RBM18: variants seen among roughly 807,000 people sequenced by gnomAD.
RBM18 encodes probable RNA-binding protein 18.
RBM18 carries 18 observed loss-of-function variants against 26.4 expected under a neutral mutation model. That is an observed-to-expected ratio of 0.68 (90% CI 0.47 to 1.01). RBM18 has a LOEUF of 1.01. Among genes scored for constraint, RBM18 ranks in the 50% least tolerant of loss-of-function variants. The pLI is 0.00. For missense variants in RBM18, 180 were observed against 219.2 expected (o/e 0.82, Z 1.13); for synonymous variants, 74 against 81.1 (o/e 0.91, Z 0.47).
intron 5 of RBM18, chr9:122,243,931 A>G (rs1049671207): frequency 2.2e-6 from 2 of 906,378 alleles, no homozygotes; most frequent in Middle Eastern, 5.6e-4. Flanking sequence ...TATACAAATC[A>G]TAAGAAACTA....
chr9:122,245,818 A>T (rs969420650), intron 4 of RBM18, among the ~76,000 whole-genome samples: 2 of 144,022 alleles, frequency 1.4e-5, no homozygotes, highest in Admixed American at 7.0e-5. Context: ...GTCTCTATTT[A>T]AAAAAAAAAA....
In RBM18 at chr9:122,237,845, C is replaced by T. The variant is rs1831353124; in HGVS notation, c.*4039G>A. On this transcript the variant is annotated 3_prime_UTR_variant, in exon 6 of 6. Transcript: ENST00000417201. ...GGGGAAAACAGCCACATGTAAATGC[C>T]TGGGCATGGTTGTGTTCTAATAGTT... 1.3e-5 allele frequency: 2 copies of T among 152,104 alleles called. No homozygotes were observed. Among genetic ancestry groups the T allele is most frequent in the African/African-American group, 2.4e-5 (1 of 41,412 alleles). The allele number at this position is 152,104 out of a possible 1,614,324, so 9.4% of individuals were successfully genotyped here.
chr9:122,241,319 G>A lies in RBM18; in HGVS notation c.*565C>T, dbSNP rs1016184753. On this transcript the variant is annotated 3_prime_UTR_variant, in exon 6 of 6. Coordinates refer to ENST00000417201, the MANE Select transcript of RBM18 (RefSeq NM_033117.4). ...AAACAATAAGCATAATTCTTAAACA[G>A]ATTACTACAACATTTGTTCAAAGAA... 2.0e-5 allele frequency: 3 copies of A among 152,274 alleles called. No individual in the cohort carries two copies. Among genetic ancestry groups the A allele is most frequent in the Non-Finnish European group, 4.4e-5 (3 of 68,028 alleles). The allele number at this position is 152,274 out of a possible 1,614,324, so 9.4% of individuals were successfully genotyped here.
At chr9:122,243,363 G>A (rs1232103609) in intron 5 of RBM18, among the ~76,000 whole-genome samples, 1 of 152,206 alleles carries the variant, frequency 6.6e-6, no homozygotes, top group African/African-American at 2.4e-5. Flanking sequence ...GTGGTGATAT[G>A]ATCAAGGTTC....
intron 2 of RBM18, among the ~76,000 whole-genome samples, chr9:122,254,087 C>A (rs895093084): frequency 1.3e-5 from 2 of 150,202 alleles, no homozygotes; most frequent in Non-Finnish European, 3.0e-5. Context: ...ACAAAAAAGA[C>A]AATCTAAGGC....
At chr9:122,252,066 CA>C in intron 2 of RBM18, 93 bp from the exon 3 acceptor site, 1 of 1,538,796 alleles carries the variant, frequency 6.5e-7, no homozygotes, top group Non-Finnish European at 8.9e-7. Flanking sequence ...TAATTTACCC[CA>C]GGGATGAAAT....
chr9:122,259,895 T>C (rs922817928), intron 2 of RBM18, among the ~76,000 whole-genome samples: 3 of 148,902 alleles, frequency 2.0e-5, no homozygotes, highest in Non-Finnish European at 3.0e-5. Flanking sequence ...GGTTTCACCA[T>C]GTTGGCCAGG....
In RBM18 at chr9:122,260,066, G is replaced by A. The variant is rs547864563; in HGVS notation, c.113+1314C>T. ...ATGATATGCTCAAAACTTGCTTTCT[G>A]CCTGGCATGGCGGCTTAAGTCTGTA... On this transcript the variant is annotated intron_variant, in intron 2 of 5. Coordinates refer to ENST00000417201, the MANE Select transcript of RBM18 (RefSeq NM_033117.4). 4.6e-5 allele frequency among the ~76,000 whole-genome samples: 7 copies of A among 152,254 alleles called. No individual in the cohort carries two copies. The East Asian group carries it at 1.4e-3, about 29-fold the overall frequency.
chr9:122,262,877 G>A (rs1831830772), intron 1 of RBM18, among the ~76,000 whole-genome samples: 2 of 152,134 alleles, frequency 1.3e-5, no homozygotes, highest in Non-Finnish European at 2.9e-5. Flanking sequence ...GAGCCACCAT[G>A]CCCAGCACAA....
chr9:122,245,613 A>G (rs1725649498), intron 4 of RBM18, among the ~76,000 whole-genome samples: 1 of 152,148 alleles, frequency 6.6e-6, no homozygotes, highest in African/African-American at 2.4e-5. Flanking sequence ...TGGTACAAAC[A>G]CACAGGAGGG....
intron 2 of RBM18, among the ~76,000 whole-genome samples, chr9:122,254,027 CAAAAAAAAA>C (rs561923338): frequency 1.2e-5 from 1 of 86,834 alleles, no homozygotes; most frequent in Non-Finnish European, 2.4e-5. Context: ...GATTCCGTCT[CAAAAAAAAA>C]AAAGAAAAAA....
intron 2 of RBM18, among the ~76,000 whole-genome samples, chr9:122,252,401 C>G (rs975839251): frequency 7.6e-5 from 2 of 26,290 alleles, no homozygotes. Flanking sequence ...TATCCTATCT[C>G]AAAAATAAAG....
chr9:122,262,529 A>G (rs1236534718), intron 1 of RBM18, among the ~76,000 whole-genome samples: 1 of 152,248 alleles, frequency 6.6e-6, no homozygotes, highest in Non-Finnish European at 1.5e-5. Context: ...CAGTAGAAAG[A>G]GCAGAAACCT....
intron 1 of RBM18, among the ~76,000 whole-genome samples, chr9:122,262,480 G>A (rs1831815357): frequency 6.6e-6 from 1 of 152,214 alleles, no homozygotes; most frequent in Non-Finnish European, 1.5e-5. Context: ...TCATCTCACA[G>A]CCAAGGAGAA....
intron 5 of RBM18, among the ~76,000 whole-genome samples, chr9:122,244,165 C>T (rs1831468733): frequency 2.6e-5 from 4 of 151,878 alleles, no homozygotes. Flanking sequence ...TCATATTAAA[C>T]TTAAATGAAT....
At chr9:122,245,487 A>G in intron 4 of RBM18, 146 bp from the exon 5 acceptor site, 2 of 509,098 alleles carry the variant, frequency 3.9e-6, no homozygotes, top group Non-Finnish European at 6.9e-6. Flanking sequence ...AGAATTAATG[A>G]AAAACTTCAC....
intron 1 of RBM18, among the ~76,000 whole-genome samples, chr9:122,262,268 T>A (rs1831810181): frequency 6.6e-6 from 1 of 150,798 alleles, no homozygotes; most frequent in African/African-American, 2.4e-5. Flanking sequence ...CACCATTTGC[T>A]AGCTATGTAG....
intron 2 of RBM18, among the ~76,000 whole-genome samples, chr9:122,255,088 T>G (rs1027989957): frequency 1.7e-4 from 26 of 152,238 alleles, no homozygotes; most frequent in African/African-American, 6.3e-4. Flanking sequence ...AATTTCGGGT[T>G]GTAGGCAATT....
chr9:122,249,442 G>A (rs552090385), intron 3 of RBM18, among the ~76,000 whole-genome samples: 6 of 152,270 alleles, frequency 3.9e-5, no homozygotes, highest in South Asian at 4.1e-4. Context: ...GCCGGGCATG[G>A]TGGCTCACGC....
Sources: allele counts gnomAD v4.1 joint callset (sites outside exome capture counted in the v4.1 genomes callset), GRCh38; gene constraint gnomAD v4.1.1; transcripts MANE v1.5; gene names NCBI Gene and HGNC (gene_info 2026-07-23, HGNC 2026-07-21).